The following SNCAIP variants were observed in gnomAD, a reference collection of about 807,000 sequenced individuals.
SNCAIP encodes the protein synphilin-1.
A neutral mutation model predicts 86.7 loss-of-function variants in SNCAIP; 43 were observed. That is an observed-to-expected ratio of 0.50 (90% CI 0.39 to 0.64). SNCAIP has a LOEUF of 0.64. SNCAIP is among the 30% of genes least tolerant of loss of function. The pLI is 0.00. For synonymous variants in SNCAIP, 417 were observed against 427.2 expected, an observed-to-expected ratio of 0.98 and a Z score of 0.29; for missense variants, 981 against 1,103.1, an observed-to-expected ratio of 0.89 and a Z score of 1.57.
intron 3 of SNCAIP, among the ~76,000 whole-genome samples, chr5:122,408,025 C>T (rs1028272352): frequency 6.6e-6 from 1 of 152,214 alleles, no homozygotes; most frequent in African/African-American, 2.4e-5. Context: ...AAGAGTGCCA[C>T]TAGGTGTGTG....
intron 1 of SNCAIP, among the ~76,000 whole-genome samples, chr5:122,372,588 A>G (rs981551268): frequency 7.2e-5 from 11 of 152,198 alleles, no homozygotes; most frequent in African/African-American, 2.4e-4. Flanking sequence ...TACTCGAGCA[A>G]TGTATCTCAA....
At chr5:122,415,879 T>C (rs919224604) in intron 3 of SNCAIP, among the ~76,000 whole-genome samples, 24 of 152,174 alleles carry the variant, frequency 1.6e-4, no homozygotes, top group African/African-American at 5.6e-4. Context: ...TAAATGGACC[T>C]GGAATGAACA....
chr5:122,353,948 C>T (rs1001201592), intron 1 of SNCAIP, among the ~76,000 whole-genome samples: 5 of 152,178 alleles, frequency 3.3e-5, no homozygotes, highest in Non-Finnish European at 7.3e-5. Context: ...GAAAGGCGAG[C>T]TCCTCCAGAG....
chr5:122,415,100 A>G (rs1447360273), intron 3 of SNCAIP, among the ~76,000 whole-genome samples: 1 of 152,264 alleles, frequency 6.6e-6, no homozygotes, highest in Admixed American at 6.5e-5. Context: ...TGTGAAGTGT[A>G]TGGTGACCTG....
Position 122,342,870 on chromosome 5 carries a change from T to C in SNCAIP, c.-47+30586T>C, listed in dbSNP as rs80199790. Among the ~76,000 whole-genome samples, 32 of 152,370 alleles carry C rather than the reference T, an allele frequency of 2.1e-4. No homozygotes were observed. The East Asian group carries it at 6.2e-3, about 29-fold the overall frequency. ...CATTGCTATTTTTCCAGTGGCAGAA[T>C]GTTTAGGATATGTTATTCTTATCTT... On this transcript the variant is annotated intron_variant, in intron 1 of 10. Coordinates refer to ENST00000261368, the MANE Select transcript of SNCAIP (RefSeq NM_005460.4).
chr5:122,444,379 T>G, intron 7 of SNCAIP, 184 bp from the exon 8 acceptor site: 1 of 658,050 alleles, frequency 1.5e-6, no homozygotes, highest in Non-Finnish European at 2.8e-6. Flanking sequence ...GGGCTGCAGA[T>G]GAGCATTGAT....
intron 8 of SNCAIP, among the ~76,000 whole-genome samples, chr5:122,446,137 C>T (rs2617276): frequency 6.6e-6 from 1 of 152,076 alleles, no homozygotes; most frequent in Admixed American, 6.5e-5. Context: ...TAAGCTGTCT[C>T]CCCACAGTGA....
intron 1 of SNCAIP, among the ~76,000 whole-genome samples, chr5:122,356,868 C>T (rs1050553260): frequency 6.6e-6 from 1 of 152,210 alleles, no homozygotes; most frequent in African/African-American, 2.4e-5. Context: ...TCCTAACTGG[C>T]TGCTGTTTCT....
At chr5:122,391,008 T>C in intron 1 of SNCAIP, 81 bp from the exon 2 acceptor site, 1 of 759,466 alleles carries the variant, frequency 1.3e-6, no homozygotes, top group Non-Finnish European at 2.4e-6. Context: ...TCTCATCTTA[T>C]TTGTTTAAAT....
chr5:122,396,657 C>T (rs569660409), intron 2 of SNCAIP, among the ~76,000 whole-genome samples: 1 of 152,266 alleles, frequency 6.6e-6, no homozygotes, highest in East Asian at 1.9e-4. Flanking sequence ...ACTTGCTATG[C>T]TCTCAAAGTG....
chr5:122,359,541 T>C (rs891679951), intron 1 of SNCAIP, among the ~76,000 whole-genome samples: 80 of 151,922 alleles, frequency 5.3e-4, no homozygotes, highest in African/African-American at 1.6e-3. Context: ...TTTTTTGTAT[T>C]TTTAGTAGAG....
intron 1 of SNCAIP, among the ~76,000 whole-genome samples, chr5:122,344,001 A>G (rs1758100341): frequency 6.6e-6 from 1 of 152,156 alleles, no homozygotes; most frequent in African/African-American, 2.4e-5. Flanking sequence ...ACTTCTGCCC[A>G]AGGGTACCAT....
intron 1 of SNCAIP, among the ~76,000 whole-genome samples, chr5:122,330,335 A>G (rs531099835): frequency 4.6e-5 from 7 of 151,680 alleles, no homozygotes; most frequent in South Asian, 2.1e-4. Flanking sequence ...TTTAGCCGGG[A>G]TGGTCTCGAG....
intron 2 of SNCAIP, among the ~76,000 whole-genome samples, chr5:122,400,253 C>CAT (rs1771514571): frequency 6.6e-6 from 1 of 151,940 alleles, no homozygotes; most frequent in Admixed American, 6.6e-5. Flanking sequence ...CATGCTAAGG[C>CAT]ATATGGTCTT....
Position 122,463,580 on chromosome 5 carries a change from C to T in SNCAIP, c.*84C>T, listed in dbSNP as rs1400440172. On this transcript the variant is annotated 3_prime_UTR_variant, in exon 11 of 11. Coordinates refer to ENST00000261368, the MANE Select transcript of SNCAIP (RefSeq NM_005460.4). The stretch of plus-strand genomic sequence containing the variant: ...TCAAAAGAACTCTTCTTGTAAATCA[C>T]TTTTTAAATTTTCTCTCACTGATGC... 1 of 1,542,120 alleles carries T rather than the reference C, an allele frequency of 6.5e-7. No individual in the cohort carries two copies. The highest frequency in any genetic ancestry group is 1.1e-5 in the South Asian group (1 of 87,166).
intron 1 of SNCAIP, among the ~76,000 whole-genome samples, chr5:122,332,969 T>G (rs1490632465): frequency 2.0e-5 from 3 of 152,202 alleles, no homozygotes; most frequent in Non-Finnish European, 4.4e-5. Context: ...GGTAAATACT[T>G]TCTTCCAAAG....
At chr5:122,445,644 T>C (rs1456108113) in intron 8 of SNCAIP, among the ~76,000 whole-genome samples, 1 of 126,732 alleles carries the variant, frequency 7.9e-6, no homozygotes, top group African/African-American at 2.8e-5. Context: ...CCTTTAAGTT[T>C]TACACACACA....
chr5:122,376,612 T>C (rs945067675), intron 1 of SNCAIP, among the ~76,000 whole-genome samples: 2 of 152,160 alleles, frequency 1.3e-5, no homozygotes, highest in African/African-American at 4.8e-5. Context: ...TAAGTTTTCA[T>C]TTACAACAGG....
chr5:122,401,230 T>A lies in SNCAIP; in HGVS notation c.58-2563T>A. 4.5e-6 allele frequency: 5 copies of A among 1,122,978 alleles called. No homozygotes were observed. The South Asian group carries it at 8.6e-5, about 19-fold the overall frequency. The allele number at this position is 1,122,978 out of a possible 1,614,324, so 69.6% of individuals were successfully genotyped here. ...TTTCAGCTCCCAGATGGTAGCACAA[T>A]GCATACTTGTAAGGGAGACTTCTTG... is the stretch of plus-strand genomic sequence containing the variant. On this transcript the variant is annotated intron_variant, in intron 2 of 10. Coordinates refer to ENST00000261368, the MANE Select transcript of SNCAIP (RefSeq NM_005460.4).
Sources: gnomAD v4.1 joint callset for allele counts (sites outside exome capture counted in the v4.1 genomes callset) on GRCh38, gnomAD v4.1.1 for gene constraint, MANE v1.5 for transcripts, NCBI Gene and HGNC (gene_info 2026-07-23, HGNC 2026-07-21) for gene names.